Variants in CDKAL1 observed in about 807,000 individuals in gnomAD.
The protein encoded by CDKAL1 is CDKAL1 threonylcarbamoyladenosine tRNA methylthiotransferase, also known as threonylcarbamoyladenosine tRNA methylthiotransferase.
CDKAL1 carries 32 observed loss-of-function variants against 68.2 expected under a neutral mutation model. That is an observed-to-expected ratio of 0.47 (90% confidence interval 0.35 to 0.63). The LOEUF is 0.63. Among genes scored for constraint, CDKAL1 ranks in the 30% least tolerant of loss-of-function variants. CDKAL1 has a pLI of 0.00. For synonymous variants in CDKAL1, 234 were observed against 244.3 expected (o/e 0.96, Z 0.39); for missense variants, 606 against 696.7 (o/e 0.87, Z 1.47).
chr6:21,043,285 C>T (rs999652626), intron 11 of CDKAL1, among the ~76,000 whole-genome samples: 1 of 152,052 alleles, frequency 6.6e-6, no homozygotes, highest in African/African-American at 2.4e-5. Context: ...TTCCTCAGGA[C>T]CGAAGCCCAA....
At chr6:20,928,097 A>G (rs1581846874) in intron 9 of CDKAL1, among the ~76,000 whole-genome samples, 1 of 152,210 alleles carries the variant, frequency 6.6e-6, no homozygotes, top group East Asian at 1.9e-4. Flanking sequence ...GTTTCAGGCC[A>G]GGGAAACTAT....
At chr6:21,127,245 CA>C (rs1452180920) in intron 13 of CDKAL1, among the ~76,000 whole-genome samples, 4 of 152,090 alleles carry the variant, frequency 2.6e-5, no homozygotes, top group Admixed American at 6.6e-5. Context: ...AGAATGAATA[CA>C]GGAAGGGCAA....
intron 12 of CDKAL1, among the ~76,000 whole-genome samples, chr6:21,090,857 G>A (rs552847552): frequency 7.5e-6 from 1 of 133,508 alleles, no homozygotes; most frequent in East Asian, 2.2e-4. Flanking sequence ...AGGTTGGAAT[G>A]CAGTGGTGCA....
rs140511988 is a variant in CDKAL1 at position 21,230,873 on chromosome 6, A to G, written c.1574A>G (p.Gln525Arg). The G allele has an allele frequency of 2.2e-5, 36 of 1,609,240 alleles. No homozygotes were observed. In the African/African-American group the frequency reaches 4.0e-4, roughly 18 times the overall value. ...GACTTCAGAAATGGGCTTGGGAACC[A>G]GCTGAGTTCAGGATCCCACACCTCT... Reference protein sequence around the residue: ...TKDFRNGLGNQLSSGSHTSAA... With the variant: ...TKDFRNGLGNRLSSGSHTSAA... The change falls in exon 16 of 16, where the codon CAG becomes CGG. Residue 525 changes from glutamine (Q) to arginine (R), a missense_variant. By Grantham distance (43) the Gln-to-Arg change is conservative (BLOSUM62 1). Coordinates refer to ENST00000274695, the MANE Select transcript of CDKAL1 (RefSeq NM_017774.3).
At chr6:20,658,678 A>T (rs1024377017) in intron 5 of CDKAL1, among the ~76,000 whole-genome samples, 2 of 152,208 alleles carry the variant, frequency 1.3e-5, no homozygotes, top group African/African-American at 4.8e-5. Context: ...AAAAAAGCTG[A>T]CTTCATAAGA....
intron 8 of CDKAL1, among the ~76,000 whole-genome samples, chr6:20,831,681 A>G (rs942698686): frequency 9.9e-5 from 15 of 152,166 alleles, no homozygotes; most frequent in South Asian, 2.1e-4. Flanking sequence ...CAGTTGTTGT[A>G]TACAATCCAC....
chr6:20,619,094 T>C (rs560379741), intron 4 of CDKAL1, among the ~76,000 whole-genome samples: 6 of 152,382 alleles, frequency 3.9e-5, no homozygotes, highest in African/African-American at 9.6e-5. Context: ...CCATGGATAT[T>C]ATCTTTCCTT....
rs190304376 is a variant in CDKAL1 at position 21,209,404 on chromosome 6, G to A, written c.1548+8130G>A. ...GAATTACTTACATATGCAACATGCA[G>A]GTAGCACCTGGCCTCTTATAATATG... On this transcript the variant is annotated intron_variant, in intron 15 of 15. Transcript: ENST00000274695. 3.9e-5 allele frequency among the ~76,000 whole-genome samples: 6 copies of A among 152,308 alleles called. No homozygotes were observed. In the East Asian group the frequency reaches 1.2e-3, roughly 29 times the overall value.
intron 11 of CDKAL1, among the ~76,000 whole-genome samples, chr6:21,006,745 C>A (rs1245554044): frequency 2.0e-5 from 3 of 152,188 alleles, no homozygotes; most frequent in Non-Finnish European, 4.4e-5. Context: ...GGGACTACCC[C>A]AAATTCGATT....
At chr6:21,168,477 C>T (rs763796783) in intron 13 of CDKAL1, among the ~76,000 whole-genome samples, 1 of 152,220 alleles carries the variant, frequency 6.6e-6, no homozygotes, top group Non-Finnish European at 1.5e-5. Flanking sequence ...CCCTTTAATA[C>T]TTAACTGACA....
At position 20,539,512 on chromosome 6, in the gene CDKAL1, G is replaced by A. The variant is rs1763306729; in HGVS notation, c.-6+4118G>A. Among the ~76,000 whole-genome samples, 1 of 152,192 alleles carries A rather than the reference G, an allele frequency of 6.6e-6. No homozygotes were observed. ...GTGTGGTGAGGTGGGGGTGTTGGTT[G>A]GAAAGTCCTCTCTTGTTACACTTGA... is the stretch of plus-strand genomic sequence containing the variant. On this transcript the variant is annotated intron_variant, in intron 2 of 15. Transcript: ENST00000274695. This position sits in a 1 kb window ranked among gnomAD's most constrained non-coding sequence, Gnocchi z 4.3.
At chr6:20,653,869 C>T (rs1230995261) in intron 5 of CDKAL1, among the ~76,000 whole-genome samples, 1 of 152,136 alleles carries the variant, frequency 6.6e-6, no homozygotes, top group African/African-American at 2.4e-5. Flanking sequence ...CCTCGGCCTC[C>T]CAAAGTGCTG....
intron 9 of CDKAL1, among the ~76,000 whole-genome samples, chr6:20,854,283 T>C (rs1057160272): frequency 4.6e-5 from 7 of 152,194 alleles, no homozygotes; most frequent in African/African-American, 1.4e-4. Context: ...TTATGCTGAG[T>C]ATTCAGGATG....
At chr6:20,870,552 C>T (rs1760158379) in intron 9 of CDKAL1, among the ~76,000 whole-genome samples, 1 of 152,140 alleles carries the variant, frequency 6.6e-6, no homozygotes, top group Admixed American at 6.5e-5. Flanking sequence ...TTCCTTCTTT[C>T]CTGACGTTTA....
chr6:20,617,088 C>T (rs540203883), intron 4 of CDKAL1, among the ~76,000 whole-genome samples: 4 of 150,674 alleles, frequency 2.7e-5, no homozygotes, highest in Admixed American at 6.6e-5. Context: ...AGAAAAACCA[C>T]GGGGGGCTTA....
rs187530419 is a variant in CDKAL1 at position 21,139,171 on chromosome 6, G to A, written c.1299+30708G>A. Among the ~76,000 whole-genome samples the A allele has an allele frequency of 3.9e-3, 590 of 152,320 alleles. 2 individuals carry two copies. Among genetic ancestry groups the A allele is most frequent in the Non-Finnish European group, 6.2e-3 (420 of 68,030 alleles). On this transcript the variant is annotated intron_variant, in intron 13 of 15. Coordinates refer to ENST00000274695, the MANE Select transcript of CDKAL1 (RefSeq NM_017774.3). Reference sequence around the variant, plus strand: ...TTTTCCAGCAGACTTTCTGGAACATGTCAATTATGATGTCCCTGAATATTA... The same window carrying A: ...TTTTCCAGCAGACTTTCTGGAACATATCAATTATGATGTCCCTGAATATTA...
intron 9 of CDKAL1, among the ~76,000 whole-genome samples, chr6:20,889,274 C>T (rs1298312219): frequency 2.0e-5 from 3 of 151,888 alleles, no homozygotes; most frequent in Non-Finnish European, 4.4e-5. Flanking sequence ...GATATTAGCC[C>T]TTTGTCAGAT....
chr6:20,922,808 T>A (rs1171569217), intron 9 of CDKAL1, among the ~76,000 whole-genome samples: 1 of 152,214 alleles, frequency 6.6e-6, no homozygotes, highest in East Asian at 1.9e-4. Context: ...TGAGTCCATA[T>A]AATACACAGA....
chr6:20,961,201 C>T (rs1765040111), intron 10 of CDKAL1, among the ~76,000 whole-genome samples: 1 of 152,102 alleles, frequency 6.6e-6, no homozygotes, highest in Non-Finnish European at 1.5e-5. Context: ...AATGCCCATC[C>T]ACAGTAGACT....
Sources: allele counts gnomAD v4.1 joint callset (sites outside exome capture counted in the v4.1 genomes callset), GRCh38; gene constraint gnomAD v4.1.1; non-coding constraint Gnocchi (gnomAD v3.1); transcripts MANE v1.5; gene names NCBI Gene and HGNC (gene_info 2026-07-23, HGNC 2026-07-21).